DLGAP4: variants seen among roughly 807,000 people sequenced by gnomAD.
The protein encoded by DLGAP4 is disks large-associated protein 4.
Under a neutral mutation model 86.9 loss-of-function variants are expected in DLGAP4, and 18 were observed. That is an observed-to-expected ratio of 0.21 (90% CI 0.14 to 0.31). The LOEUF (loss-of-function observed/expected upper bound fraction) is 0.31. Among genes scored for constraint, DLGAP4 ranks in the 10% least tolerant of loss-of-function variants. The pLI is 1.00. For missense variants in DLGAP4, 1,085 were observed against 1,362.6 expected (o/e 0.80, Z 3.21); for synonymous variants, 548 against 574.3 (o/e 0.95, Z 0.65).
chr20:36,353,457 G>T (rs2030226580), intron 1 of DLGAP4, among the ~76,000 whole-genome samples: 1 of 152,214 alleles, frequency 6.6e-6, no homozygotes, highest in Non-Finnish European at 1.5e-5. Flanking sequence ...GGCCCCTTCT[G>T]CTGTCTCCCC....
intron 2 of DLGAP4, among the ~76,000 whole-genome samples, chr20:36,388,037 TGAGTGTTATGAAGAAAAATACCCTGAGC>T (rs1453733919): frequency 6.6e-6 from 1 of 152,132 alleles, no homozygotes; most frequent in Non-Finnish European, 1.5e-5. Context: ...CTCCCCTGAG[TGAGTGTTATGAAGAAAAATACCCTGAGC>T]GAGTGTTATG....
Position 36,306,459 on chromosome 20 carries a change from G to A in DLGAP4, c.-357G>A, listed in dbSNP as rs1600385780. On this transcript the variant is annotated 5_prime_UTR_variant, in exon 1 of 13. Transcript: ENST00000339266. The surrounding 1 kb of genome is among the most constrained non-coding windows in gnomAD (Gnocchi z 4.9). ...CTGCGAGCGGACCCGAGAGGCGGCGGCGGCGCAGCGGAACGGCAGAGCGGG... is the reference window on the plus strand; with the variant it reads ...CTGCGAGCGGACCCGAGAGGCGGCGACGGCGCAGCGGAACGGCAGAGCGGG... 1 of 150,360 alleles carries A rather than the reference G, an allele frequency of 6.7e-6. No individual in the cohort carries two copies. Among genetic ancestry groups the A allele is most frequent in the African/African-American group, 2.4e-5 (1 of 41,242 alleles). The allele number at this position is 150,360 out of a possible 1,614,324, so 9.3% of individuals were successfully genotyped here.
chr20:36,461,883 C>T (rs1426562579), intron 7 of DLGAP4: 2 of 985,020 alleles, frequency 2.0e-6, no homozygotes, highest in Non-Finnish European at 2.4e-6. Context: ...CCTCCGCAGC[C>T]CCTCCCTCGC....
chr20:36,381,028 G>A (rs966541586), intron 2 of DLGAP4, among the ~76,000 whole-genome samples: 5 of 152,196 alleles, frequency 3.3e-5, no homozygotes, highest in Non-Finnish European at 7.3e-5. Context: ...TAGCTAGCAG[G>A]ATAGCTAGCA....
intron 7 of DLGAP4, among the ~76,000 whole-genome samples, chr20:36,451,597 C>T (rs565320212): frequency 5.9e-5 from 9 of 151,968 alleles, no homozygotes; most frequent in South Asian, 2.1e-4. Context: ...GTGATCCACC[C>T]GCCTCGGCCT....
chr20:36,479,774 G>A (rs1371778922), intron 7 of DLGAP4, among the ~76,000 whole-genome samples: 2 of 152,112 alleles, frequency 1.3e-5, no homozygotes, highest in East Asian at 1.9e-4. Flanking sequence ...GCTACAGTGC[G>A]GTGTCGAGGG....
chr20:36,317,293 T>TATC (rs2065116704), intron 1 of DLGAP4, among the ~76,000 whole-genome samples: 45 of 27,272 alleles, frequency 1.7e-3, no homozygotes, highest in Admixed American at 0.016. Flanking sequence ...TCTTTCTTTC[T>TATC]TATCTTTCTT....
intron 1 of DLGAP4, among the ~76,000 whole-genome samples, chr20:36,351,212 G>A (rs2030139972): frequency 6.6e-6 from 1 of 152,144 alleles, no homozygotes; most frequent in Admixed American, 6.5e-5. Context: ...TTTCTGGGAG[G>A]GCAAGACCTG....
chr20:36,389,625 T>A (rs912897315), intron 2 of DLGAP4, among the ~76,000 whole-genome samples: 13 of 152,008 alleles, frequency 8.6e-5, no homozygotes, highest in South Asian at 4.1e-4. Flanking sequence ...CCTCTCTCTT[T>A]TTAAAAAAAA....
chr20:36,526,017 A>C lies in DLGAP4; in HGVS notation c.2760+11A>C. 6.2e-7 allele frequency: 1 copy of C among 1,613,252 alleles called. No homozygotes were observed. The highest frequency in any genetic ancestry group is 8.5e-7 in the Non-Finnish European group (1 of 1,179,896). On this transcript the variant is annotated intron_variant, in intron 12 of 12. Transcript: ENST00000339266. ...CCCGAGAAGAGGAAGGTGAGCATGG[A>C]GCAGTGCGGAGGGGAAGTCCAGGGA...
At chr20:36,509,520 G>A (rs1011533057) in intron 10 of DLGAP4, among the ~76,000 whole-genome samples, 3 of 151,396 alleles carry the variant, frequency 2.0e-5, no homozygotes, top group African/African-American at 7.3e-5. Flanking sequence ...GCACTGAGCC[G>A]AGATCACACC....
intron 1 of DLGAP4, among the ~76,000 whole-genome samples, chr20:36,326,523 T>G (rs1356882906): frequency 5.3e-5 from 8 of 152,224 alleles, no homozygotes; most frequent in Non-Finnish European, 4.4e-5. Context: ...ATTATTATTA[T>G]GTATTTGACT....
chr20:36,423,006 C>T (rs1278020486), intron 2 of DLGAP4, among the ~76,000 whole-genome samples: 1 of 152,146 alleles, frequency 6.6e-6, no homozygotes, highest in Admixed American at 6.5e-5. Flanking sequence ...CTGTCACCCA[C>T]TGGGCCAGGA....
chr20:36,310,704 T>C (rs1197905545), intron 1 of DLGAP4, among the ~76,000 whole-genome samples: 2 of 152,074 alleles, frequency 1.3e-5, no homozygotes, highest in African/African-American at 2.4e-5. Context: ...AGCCACTGGG[T>C]TTGCTGTAGT....
chr20:36,458,969 G>A (rs935030025), intron 7 of DLGAP4, among the ~76,000 whole-genome samples: 8 of 152,320 alleles, frequency 5.3e-5, no homozygotes, highest in East Asian at 3.9e-4. Context: ...CAGCCAGGTC[G>A]CGTGGGGACA....
intron 1 of DLGAP4, among the ~76,000 whole-genome samples, chr20:36,307,251 G>C (rs868973958): frequency 5.7e-4 from 87 of 152,360 alleles, no homozygotes; most frequent in African/African-American, 2.1e-3. Context: ...GGAGACAGGG[G>C]TTCGCGTTCA....
At chr20:36,329,482 G>T (rs143425553) in intron 1 of DLGAP4, among the ~76,000 whole-genome samples, 6 of 152,312 alleles carry the variant, frequency 3.9e-5, no homozygotes, top group African/African-American at 1.4e-4. Context: ...CAGACACAGC[G>T]CAAACCTTGT....
intron 2 of DLGAP4, among the ~76,000 whole-genome samples, chr20:36,409,398 CT>C (rs34406684): frequency 0.58 from 83,161 of 142,202 alleles, 24,174 homozygotes; most frequent in Middle Eastern, 0.65. Context: ...TTTTTTAAGA[CT>C]TTTTTTTTTT....
intron 1 of DLGAP4, among the ~76,000 whole-genome samples, chr20:36,333,130 T>C (rs1555891739): frequency 6.6e-6 from 1 of 152,118 alleles, no homozygotes; most frequent in African/African-American, 2.4e-5. Flanking sequence ...TGAGAAGTTG[T>C]GGGGGCTTCA....
Sources: gnomAD v4.1 joint callset for allele counts (sites outside exome capture counted in the v4.1 genomes callset) on GRCh38, gnomAD v4.1.1 for gene constraint, Gnocchi (gnomAD v3.1) non-coding constraint, MANE v1.5 for transcripts, NCBI Gene and HGNC (gene_info 2026-07-23, HGNC 2026-07-21) for gene names.